LRRC49: variants seen among roughly 807,000 people sequenced by gnomAD.
LRRC49 encodes leucine rich repeat containing 49, also known as leucine-rich repeat-containing protein 49.
Under a neutral mutation model 83.3 loss-of-function variants are expected in LRRC49, and 50 were observed. That is an observed-to-expected ratio of 0.60 (90% CI 0.48 to 0.76). The LOEUF is 0.76. Ranked by LOEUF, LRRC49 falls within the 30% of genes least tolerant of loss-of-function variation. The probability of loss-of-function intolerance (pLI) is 0.00; values close to 1 mark genes in which losing one functional copy is unlikely to be tolerated. For missense variants in LRRC49, 704 were observed against 809.1 expected, an observed-to-expected ratio of 0.87 and a Z score of 1.58; for synonymous variants, 286 against 283.3, an observed-to-expected ratio of 1.01 and a Z score of -0.10.
intron 11 of LRRC49, among the ~76,000 whole-genome samples, chr15:71,002,165 G>T (rs919060541): frequency 6.6e-6 from 1 of 152,268 alleles, no homozygotes. Flanking sequence ...GGGCCGCAAA[G>T]TTTCTTACCT....
chr15:70,971,787 G>A (rs2037009796), intron 9 of LRRC49, among the ~76,000 whole-genome samples: 2 of 125,066 alleles, frequency 1.6e-5, no homozygotes, highest in Admixed American at 1.7e-4. Flanking sequence ...GACTAGGATT[G>A]TAACCACTCC....
chr15:70,961,707 T>C (rs940942330), intron 8 of LRRC49, among the ~76,000 whole-genome samples: 1 of 152,170 alleles, frequency 6.6e-6, no homozygotes, highest in African/African-American at 2.4e-5. Context: ...AGAACTATAG[T>C]GACAGTAGAA....
intron 14 of LRRC49, among the ~76,000 whole-genome samples, chr15:71,019,568 G>A (rs912922000): frequency 2.6e-5 from 4 of 152,232 alleles, no homozygotes; most frequent in Middle Eastern, 3.4e-3. Flanking sequence ...GTGAATTGAC[G>A]TCTTCCTAAG....
chr15:70,900,048 C>T (rs1346364955), intron 3 of LRRC49, among the ~76,000 whole-genome samples: 1 of 152,136 alleles, frequency 6.6e-6, no homozygotes. Flanking sequence ...TTAATATTCA[C>T]CTCCCCTCAA....
chr15:71,050,554 T>C lies in LRRC49; in HGVS notation c.*942T>C, dbSNP rs543191342. On this transcript the variant is annotated 3_prime_UTR_variant, in exon 16 of 16. Transcript: ENST00000260382. ...TGCCACTTCAGAAAAACAATCTTAGTCAATAAATAGGAATTTTTCGGTTTG... is the reference window on the plus strand; with the variant it reads ...TGCCACTTCAGAAAAACAATCTTAGCCAATAAATAGGAATTTTTCGGTTTG... 1 of 152,250 alleles carries C rather than the reference T, an allele frequency of 6.6e-6. No individual in the cohort carries two copies. Among genetic ancestry groups the C allele is most frequent in the East Asian group, 1.9e-4 (1 of 5,166 alleles). The allele number at this position is 152,250 out of a possible 1,614,324, so 9.4% of individuals were successfully genotyped here.
intron 2 of LRRC49, among the ~76,000 whole-genome samples, chr15:70,880,485 T>C (rs1179211618): frequency 6.6e-6 from 1 of 152,142 alleles, no homozygotes; most frequent in African/African-American, 2.4e-5. Flanking sequence ...GGTACTAAGG[T>C]AAATATAACT....
intron 6 of LRRC49, among the ~76,000 whole-genome samples, chr15:70,912,324 A>C (rs1271122582): frequency 2.0e-5 from 3 of 152,156 alleles, no homozygotes; most frequent in African/African-American, 7.2e-5. Flanking sequence ...TTTCTTGTAC[A>C]AGTCTCCTGT....
At chr15:70,891,263 T>C (rs2033553113), upstream of LRRC49, among the ~76,000 whole-genome samples, 2 of 152,058 alleles carry the variant, frequency 1.3e-5, no homozygotes, top group Admixed American at 1.3e-4. Context: ...GAGAGCAAGA[T>C]GGGGAAAGTC....
At chr15:71,005,661 T>C (rs1248995594) in intron 11 of LRRC49, among the ~76,000 whole-genome samples, 1 of 152,200 alleles carries the variant, frequency 6.6e-6, no homozygotes, top group Non-Finnish European at 1.5e-5. Context: ...TTGTATGATC[T>C]CAGTGTTGAT....
At chr15:70,885,821 G>A (rs1298347903) in intron 2 of LRRC49, among the ~76,000 whole-genome samples, 1 of 152,238 alleles carries the variant, frequency 6.6e-6, no homozygotes, top group East Asian at 1.9e-4. Context: ...ATTCCAAAAG[G>A]ATATAGGAAA....
chr15:70,903,415 G>T (rs999948075), intron 4 of LRRC49, among the ~76,000 whole-genome samples: 10 of 151,790 alleles, frequency 6.6e-5, no homozygotes, highest in Non-Finnish European at 1.2e-4. Context: ...TTAAACTATT[G>T]CCCAAAATTT....
At chr15:70,969,416 T>C (rs2036912059) in intron 9 of LRRC49, among the ~76,000 whole-genome samples, 2 of 152,216 alleles carry the variant, frequency 1.3e-5, no homozygotes, top group African/African-American at 2.4e-5. Context: ...TCAGGTAGCA[T>C]GATGCCTCCA....
At chr15:70,882,591 CT>C in intron 2 of LRRC49, 1 of 1,614,056 alleles carries the variant, frequency 6.2e-7, no homozygotes, top group African/African-American at 1.3e-5. Flanking sequence ...CACAATTCCT[CT>C]GTCTGAGTAG....
At chr15:70,956,914 T>A (rs923772787) in intron 8 of LRRC49, among the ~76,000 whole-genome samples, 1 of 152,218 alleles carries the variant, frequency 6.6e-6, no homozygotes, top group Non-Finnish European at 1.5e-5. Flanking sequence ...CGGATAGTAC[T>A]TGCTGAGGAC....
intron 5 of LRRC49, among the ~76,000 whole-genome samples, chr15:70,906,246 G>A (rs1239066602): frequency 2.6e-5 from 4 of 152,012 alleles, no homozygotes; most frequent in African/African-American, 9.6e-5. Flanking sequence ...ATAGGCACGT[G>A]CCACCATGCC....
chr15:70,913,148 A>G (rs2034619852), intron 6 of LRRC49, among the ~76,000 whole-genome samples: 1 of 152,212 alleles, frequency 6.6e-6, no homozygotes, highest in African/African-American at 2.4e-5. Flanking sequence ...CTGCAGTGAT[A>G]AGCCTACATC....
rs554260740 is a variant in LRRC49 at position 70,957,970 on chromosome 15, T to G, written c.774-5815T>G. ...TTACATATAATAAAATGCACACATT[T>G]TAAGTGTAGAGTTCAATGAATTTTG... On this transcript the variant is annotated intron_variant, in intron 8 of 15. Coordinates refer to ENST00000260382, the MANE Select transcript of LRRC49 (RefSeq NM_017691.5). 9.1e-4 allele frequency among the ~76,000 whole-genome samples: 138 copies of G among 152,332 alleles called. 1 individual carries two copies. Among genetic ancestry groups the G allele is most frequent in the Middle Eastern group, 6.8e-3 (2 of 294 alleles).
chr15:71,036,093 GTGA>G (rs2039510623), intron 14 of LRRC49, among the ~76,000 whole-genome samples: 1 of 152,182 alleles, frequency 6.6e-6, no homozygotes. Context: ...CTAATGACCA[GTGA>G]TGATGAGCAT....
At chr15:70,893,695 A>C in intron 2 of LRRC49, 55 bp downstream of exon 2, 1 of 1,313,336 alleles carries the variant, frequency 7.6e-7, no homozygotes. Flanking sequence ...ATTCTACACA[A>C]ATAGCAGCAT....
Sources: gnomAD v4.1 joint callset for allele counts (sites outside exome capture counted in the v4.1 genomes callset) on GRCh38, gnomAD v4.1.1 for gene constraint, MANE v1.5 for transcripts, NCBI Gene and HGNC (gene_info 2026-07-23, HGNC 2026-07-21) for gene names.